The following USB1 variants were observed in gnomAD, a reference collection of about 807,000 sequenced individuals.
USB1 encodes U6 snRNA phosphodiesterase 1.
USB1 carries 21 observed loss-of-function variants against 29.9 expected under a neutral mutation model. The observed-to-expected ratio is 0.70, with a 90% CI of 0.50 to 1.01. The LOEUF is 1.01. Ranked by LOEUF, USB1 falls within the 50% of genes least tolerant of loss-of-function variation. The pLI, the probability that USB1 is intolerant of heterozygous loss-of-function variation, is 0.00. For missense variants in USB1, 330 were observed against 347.1 expected (o/e 0.95, Z 0.39); for synonymous variants, 143 against 134.9 (o/e 1.06, Z -0.42).
Position 58,017,418 on chromosome 16 carries a change from C to T in USB1, c.588C>T (p.Phe196=). Residue 196 remains phenylalanine, a synonymous_variant, in exon 5 of 7, where the codon TTC becomes TTT. Coordinates refer to ENST00000219281, the MANE Select transcript of USB1 (RefSeq NM_024598.4). The part of the protein sequence containing the change: ...VSEVDRVMEE[F]NLTTFYQDPS... ...AGGTGGACAGAGTCATGGAGGAATT[C>T]AACCTCACCACTTTCTACCAGGTAA... The T allele has an allele frequency of 6.2e-7, 1 of 1,614,194 alleles. No individual in the cohort carries two copies. Among genetic ancestry groups the T allele is most frequent in the Non-Finnish European group, 8.5e-7 (1 of 1,180,008 alleles).
intron 4 of USB1, 86 bp from the exon 5 acceptor site, chr16:58,017,247 GC>G (rs917516573): frequency 8.1e-7 from 1 of 1,236,472 alleles, no homozygotes; most frequent in Non-Finnish European, 1.2e-6. Context: ...AGGCCTCTTG[GC>G]CTTCTGCCTG....
intron 5 of USB1, 46 bp downstream of exon 5, chr16:58,017,485 G>C: frequency 6.4e-7 from 1 of 1,553,846 alleles, no homozygotes. Context: ...TTTCTAATGA[G>C]AATAAAACTG....
intron 1 of USB1, 29 bp from the exon 2 acceptor site, chr16:58,002,450 G>C: frequency 6.2e-7 from 1 of 1,612,768 alleles, no homozygotes; most frequent in Middle Eastern, 1.6e-4. Context: ...CAGGATAAAT[G>C]TACTCATTTT....
rs751345976 is a variant in USB1, at chr16:58,010,124, T to C, written c.449+12T>C. 2.5e-6 allele frequency: 4 copies of C among 1,613,936 alleles called. No individual in the cohort carries two copies. Among genetic ancestry groups the C allele is most frequent in the Middle Eastern group, 1.6e-4 (1 of 6,062 alleles). ...ACCTCCTTCCACAGGTGAGTGCTTCTTCCCTCTGCCTCTCCACTCCCTCCC... is the reference window on the plus strand; with the variant it reads ...ACCTCCTTCCACAGGTGAGTGCTTCCTCCCTCTGCCTCTCCACTCCCTCCC... On this transcript the variant is annotated intron_variant, in intron 3 of 6. Coordinates refer to ENST00000219281, the MANE Select transcript of USB1 (RefSeq NM_024598.4).
intron 2 of USB1, among the ~76,000 whole-genome samples, chr16:58,003,299 C>T (rs1429917047): frequency 1.3e-5 from 2 of 152,114 alleles, no homozygotes; most frequent in Admixed American, 1.3e-4. Context: ...TGGTGGCACA[C>T]GCCTATGGTT....
intron 3 of USB1, 177 bp downstream of exon 3, chr16:58,010,289 A>G: frequency 1.4e-6 from 1 of 709,472 alleles, no homozygotes; most frequent in South Asian, 1.8e-5. Context: ...ATGCCGTGGA[A>G]GCTCTTGACA....
chr16:58,002,048 A>G lies in USB1; in HGVS notation c.99-431A>G, dbSNP rs151247977. Among the ~76,000 whole-genome samples, 309 of 152,298 alleles carry G rather than the reference A, an allele frequency of 2.0e-3. 2 individuals carry two copies. The highest frequency in any genetic ancestry group is 7.0e-3 in the African/African-American group (292 of 41,554). On this transcript the variant is annotated intron_variant, in intron 1 of 6. Coordinates refer to ENST00000219281, the MANE Select transcript of USB1 (RefSeq NM_024598.4). ...TTACTTCCTGGGGCTTAGATTCTTA[A>G]ATGCTAGGCCTTATCTTTGCTGAGT...
Position 58,020,499 on chromosome 16 carries a change from TCTCTCTTC to T in USB1, c.*260_*267del. 2 of 533,158 alleles carry T rather than the reference TCTCTCTTC, an allele frequency of 3.8e-6. No individual in the cohort carries two copies. The highest frequency in any genetic ancestry group is 6.7e-6 in the Non-Finnish European group (2 of 297,156). 33.0% of individuals were successfully genotyped at this position (533,158 alleles called of 1,614,324 possible). On this transcript the variant is annotated 3_prime_UTR_variant, in exon 7 of 7. Transcript: ENST00000219281. ...CTCTTCCTCTCCTCTCTTCCTCTCT[TCTCTCTTC>T]CTCTCCTCTCTCTCTTCCTCTTCTC...
intron 2 of USB1, among the ~76,000 whole-genome samples, chr16:58,009,673 C>T (rs1411760695): frequency 2.0e-5 from 3 of 150,086 alleles, no homozygotes; most frequent in East Asian, 3.9e-4. Flanking sequence ...TGCAGTGAGC[C>T]GAGATTGCAC....
In USB1 at chr16:58,016,854, C is replaced by T. The variant is rs1370940969; in HGVS notation, c.504-480C>T. ...GACAAATGGTCTTTTTGAGAAGTTTCACTGAGAATGGGATGGGGACGTGCT... is the reference window on the plus strand; with the variant it reads ...GACAAATGGTCTTTTTGAGAAGTTTTACTGAGAATGGGATGGGGACGTGCT... On this transcript the variant is annotated intron_variant, in intron 4 of 6. Transcript: ENST00000219281. 1.6e-5 allele frequency: 3 copies of T among 181,838 alleles called. No individual in the cohort carries two copies. The East Asian group carries it at 4.0e-4, about 24-fold the overall frequency. The allele number at this position is 181,838 out of a possible 1,614,324, so 11.3% of individuals were successfully genotyped here. A position where few individuals can be genotyped will look rare whatever the true frequency, so the allele number is the denominator to read the frequency against.
chr16:58,000,420 G>A (rs1395477863), upstream of USB1: 1 of 150,286 alleles, frequency 6.7e-6, no homozygotes, highest in Non-Finnish European at 1.5e-5. This position sits in a 1 kb window ranked among gnomAD's most constrained non-coding sequence, Gnocchi z 4.5. Context: ...GCCGCCTGCA[G>A]GGCAGGCGCG....
chr16:58,007,034 T>C (rs1330854840), intron 2 of USB1, among the ~76,000 whole-genome samples: 1 of 152,252 alleles, frequency 6.6e-6, no homozygotes, highest in Non-Finnish European at 1.5e-5. Context: ...TTTTTGAATG[T>C]TGAGCCTGCT....
Position 58,020,150 on chromosome 16 carries a change from G to A in USB1, c.703G>A (p.Asp235Asn), listed in dbSNP as rs1304047712. The change falls in exon 7 of 7, where the codon GAT becomes AAT. Residue 235 changes from aspartate (D) to asparagine (N), a missense_variant. By Grantham distance (23) the Asp-to-Asn change is conservative (BLOSUM62 1). Transcript: ENST00000219281. ...TGGCTGCTGTTTTAAGGCAATCGTG[G>A]ATGGGTTTGAAGATGCTGAGGTGCT... ...QCLQELQAIV[D>N]GFEDAEVLLR... 11 of 1,614,062 alleles carry A rather than the reference G, an allele frequency of 6.8e-6. No homozygotes were observed. The highest frequency in any genetic ancestry group is 9.3e-6 in the Non-Finnish European group (11 of 1,180,032).
rs1567421824 is a variant in USB1, at chr16:58,013,654, C to T, written c.450-619C>T. The T allele has an allele frequency of 1.0e-6, 1 of 986,376 alleles. No homozygotes were observed. Among genetic ancestry groups the T allele is most frequent in the Non-Finnish European group, 1.2e-6 (1 of 830,002 alleles). The allele number at this position is 986,376 out of a possible 1,614,324, so 61.1% of individuals were successfully genotyped here. A position where few individuals can be genotyped will look rare whatever the true frequency, so the allele number is the denominator to read the frequency against. ...GATTTCACACCAACAGACCTATTCC[C>T]CTCACGAAAGCGTCATAGGTGACAA... On this transcript the variant is annotated intron_variant, in intron 3 of 6. Coordinates refer to ENST00000219281, the MANE Select transcript of USB1 (RefSeq NM_024598.4). This position sits in a 1 kb window ranked among gnomAD's most constrained non-coding sequence, Gnocchi z 4.3.
At position 58,013,757 on chromosome 16, in the gene USB1, TTGTC is replaced by T; in HGVS notation, c.450-512_450-509del. ...TCAGCTTCACCATGCCTCTGTTTCT[TTGTC>T]TGTAAAATGGGCATAATTGTAGGCC... is the stretch of plus-strand genomic sequence containing the variant. On this transcript the variant is annotated intron_variant, in intron 3 of 6. Coordinates refer to ENST00000219281, the MANE Select transcript of USB1 (RefSeq NM_024598.4). The surrounding 1 kb of genome is among the most constrained non-coding windows in gnomAD (Gnocchi z 4.3). 2.6e-6 allele frequency: 1 copy of T among 383,140 alleles called. No individual in the cohort carries two copies. The highest frequency in any genetic ancestry group is 9.8e-5 in the South Asian group (1 of 10,156). The allele number at this position is 383,140 out of a possible 1,614,324, so 23.7% of individuals were successfully genotyped here. A position where few individuals can be genotyped will look rare whatever the true frequency, so the allele number is the denominator to read the frequency against.
intron 2 of USB1, among the ~76,000 whole-genome samples, chr16:58,008,508 C>T (rs934199116): frequency 1.3e-4 from 19 of 141,798 alleles, no homozygotes; most frequent in Non-Finnish European, 2.9e-4. Flanking sequence ...GGCTGGAGTA[C>T]AGTGGCGCAA....
chr16:58,008,453 CTTTT>C (rs56262437), intron 2 of USB1, among the ~76,000 whole-genome samples: 6 of 115,186 alleles, frequency 5.2e-5, no homozygotes, highest in African/African-American at 9.5e-5. Flanking sequence ...TTTTCTTTTT[CTTTT>C]TTTTTTTTTT....
intron 2 of USB1, among the ~76,000 whole-genome samples, chr16:58,005,929 GC>G (rs1363481627): frequency 3.3e-5 from 5 of 152,172 alleles, no homozygotes; most frequent in Non-Finnish European, 7.3e-5. Context: ...GTATAGGAAA[GC>G]AAATATACAG....
At chr16:58,019,654 G>A (rs1963694562) in intron 6 of USB1, among the ~76,000 whole-genome samples, 1 of 152,132 alleles carries the variant, frequency 6.6e-6, no homozygotes. Context: ...GATTGGCCTA[G>A]AGTTGCCAGC....
Sources: gnomAD v4.1 joint callset for allele counts (sites outside exome capture counted in the v4.1 genomes callset) on GRCh38, gnomAD v4.1.1 for gene constraint, Gnocchi (gnomAD v3.1) non-coding constraint, MANE v1.5 for transcripts, NCBI Gene and HGNC (gene_info 2026-07-23, HGNC 2026-07-21) for gene names.